Variants in MECOM observed in about 807,000 individuals in gnomAD.
MECOM encodes the protein MDS1 and EVI1 complex locus.
Under a neutral mutation model 116.3 loss-of-function variants are expected in MECOM, and 13 were observed. The ratio of observed to expected loss-of-function variants is 0.11; its 90% CI spans 0.07 to 0.18. The LOEUF is 0.18. Among genes scored for constraint, MECOM ranks in the 10% least tolerant of loss-of-function variants. The probability of loss-of-function intolerance (pLI) is 1.00; values close to 1 mark genes in which losing one functional copy is unlikely to be tolerated. For missense variants in MECOM, 1,299 were observed against 1,509.0 expected (o/e 0.86, Z 2.31); for synonymous variants, 528 against 535.2 (o/e 0.99, Z 0.19).
At chr3:169,097,211 T>A (rs1033794136) in intron 12 of MECOM, among the ~76,000 whole-genome samples, 1 of 152,162 alleles carries the variant, frequency 6.6e-6, no homozygotes. Context: ...GCCATGCTTC[T>A]AACTTTCTGC....
intron 2 of MECOM, among the ~76,000 whole-genome samples, chr3:169,306,796 G>C (rs1468631668): frequency 6.6e-6 from 1 of 152,200 alleles, no homozygotes; most frequent in Non-Finnish European, 1.5e-5. Context: ...TCATCCTAAA[G>C]GGTTTCTTCT....
intron 2 of MECOM, among the ~76,000 whole-genome samples, chr3:169,234,004 A>G (rs1753725168): frequency 6.6e-6 from 1 of 152,310 alleles, no homozygotes; most frequent in Non-Finnish European, 1.5e-5. Flanking sequence ...TACGGTTACA[A>G]TATGCCTGTT....
At chr3:169,117,937 A>C (rs1011469541) in intron 7 of MECOM, among the ~76,000 whole-genome samples, 1 of 152,196 alleles carries the variant, frequency 6.6e-6, no homozygotes, top group African/African-American at 2.4e-5. Flanking sequence ...ACTTCTGTGC[A>C]TGTTCAATAC....
intron 2 of MECOM, among the ~76,000 whole-genome samples, chr3:169,365,373 T>C (rs1728995244): frequency 6.6e-6 from 1 of 152,078 alleles, no homozygotes; most frequent in African/African-American, 2.4e-5. Flanking sequence ...CTAGTGACTC[T>C]ATATCGAGTG....
intron 5 of MECOM, among the ~76,000 whole-genome samples, chr3:169,123,303 A>ATGTG (rs34615103): frequency 0.14 from 20,789 of 147,498 alleles, 1,938 homozygotes; most frequent in Non-Finnish European, 0.2. Flanking sequence ...ATATGCATGG[A>ATGTG]TGTGTGTGTG....
intron 2 of MECOM, among the ~76,000 whole-genome samples, chr3:169,275,407 G>A (rs544300288): frequency 6.6e-6 from 1 of 152,236 alleles, no homozygotes; most frequent in Admixed American, 6.5e-5. Flanking sequence ...GATTGAAATG[G>A]TTATCTAGGT....
intron 1 of MECOM, among the ~76,000 whole-genome samples, chr3:169,539,225 C>T (rs960935223): frequency 3.9e-5 from 6 of 152,118 alleles, no homozygotes; most frequent in African/African-American, 1.4e-4. Flanking sequence ...CTCAAATCAA[C>T]CCAAATTCTG....
At chr3:169,485,377 A>G (rs1205527918) in intron 1 of MECOM, among the ~76,000 whole-genome samples, 1 of 152,220 alleles carries the variant, frequency 6.6e-6, no homozygotes, top group Non-Finnish European at 1.5e-5. Context: ...TATATTAACC[A>G]ATCACTTTGT....
chr3:169,118,430 C>G (rs1162097125), intron 7 of MECOM, among the ~76,000 whole-genome samples: 1 of 151,984 alleles, frequency 6.6e-6, no homozygotes, highest in South Asian at 2.1e-4. Flanking sequence ...ACAATTTAAC[C>G]ATACACCATA....
chr3:169,357,953 A>C (rs1420278705), intron 2 of MECOM, among the ~76,000 whole-genome samples: 1 of 151,752 alleles, frequency 6.6e-6, no homozygotes, highest in Non-Finnish European at 1.5e-5. Context: ...TATACTAATT[A>C]ATTAATAATG....
At chr3:169,199,912 A>G (rs1208866660) in intron 2 of MECOM, among the ~76,000 whole-genome samples, 1 of 152,146 alleles carries the variant, frequency 6.6e-6, no homozygotes, top group Non-Finnish European at 1.5e-5. Flanking sequence ...ATATCTGTAT[A>G]TCTAAATATC....
intron 2 of MECOM, among the ~76,000 whole-genome samples, chr3:169,244,546 C>T (rs1358160291): frequency 6.6e-6 from 1 of 152,200 alleles, no homozygotes; most frequent in African/African-American, 2.4e-5. Context: ...GAGACCTCTG[C>T]ACCCAAGCTG....
intron 1 of MECOM, among the ~76,000 whole-genome samples, chr3:169,429,644 G>T (rs1741283970): frequency 1.3e-5 from 2 of 152,180 alleles, no homozygotes. Flanking sequence ...ATGTCCAGTA[G>T]CTAGATGTAG....
chr3:169,408,222 C>G (rs1017038413), intron 1 of MECOM, among the ~76,000 whole-genome samples: 6 of 152,080 alleles, frequency 3.9e-5, no homozygotes, highest in Admixed American at 3.3e-4. Flanking sequence ...AAGAGGAGGC[C>G]AAGCATGCCA....
At chr3:169,089,757 C>A (rs1719051077) in intron 15 of MECOM, among the ~76,000 whole-genome samples, 4 of 151,982 alleles carry the variant, frequency 2.6e-5, no homozygotes, top group Admixed American at 2.6e-4. Context: ...ATGTAATTTT[C>A]ATTTTATCTT....
At chr3:169,193,951 G>A (rs993196212) in intron 2 of MECOM, among the ~76,000 whole-genome samples, 2 of 151,910 alleles carry the variant, frequency 1.3e-5, no homozygotes, top group Admixed American at 6.6e-5. Context: ...GTTGCACTCT[G>A]AAAATAAATA....
intron 1 of MECOM, among the ~76,000 whole-genome samples, chr3:169,405,934 G>A (rs973717541): frequency 9.9e-5 from 15 of 152,192 alleles, no homozygotes; most frequent in African/African-American, 2.7e-4. Context: ...GCATAAGAAT[G>A]AGAAAATGCC....
intron 1 of MECOM, among the ~76,000 whole-genome samples, chr3:169,472,542 G>A (rs1336594627): frequency 3.0e-3 from 208 of 69,044 alleles, no homozygotes; most frequent in African/African-American, 3.9e-3. Context: ...GAAAAGGAAA[G>A]GAAAGGAAAA....
intron 1 of MECOM, among the ~76,000 whole-genome samples, chr3:169,383,579 A>C (rs1732828975): frequency 6.6e-6 from 1 of 152,144 alleles, no homozygotes; most frequent in Non-Finnish European, 1.5e-5. Flanking sequence ...TTTCACACCT[A>C]AATATTTTCA....
Sources: gnomAD v4.1 joint callset for allele counts (sites outside exome capture counted in the v4.1 genomes callset) on GRCh38, gnomAD v4.1.1 for gene constraint, MANE v1.5 for transcripts, NCBI Gene and HGNC (gene_info 2026-07-23, HGNC 2026-07-21) for gene names.